The following CCDC146 variants were observed in gnomAD, a reference collection of about 807,000 sequenced individuals.
CCDC146 encodes the protein coiled-coil domain-containing protein 146.
Under a neutral mutation model 119.3 loss-of-function variants are expected in CCDC146, and 92 were observed. That is an observed-to-expected ratio of 0.77 (90% confidence interval 0.65 to 0.92). The LOEUF is 0.92. Among genes scored for constraint, CCDC146 ranks in the 40% least tolerant of loss-of-function variants. CCDC146 has a pLI of 0.00. For missense variants in CCDC146, 1,000 were observed against 1,103.0 expected, an observed-to-expected ratio of 0.91 and a Z score of 1.32; for synonymous variants, 372 against 371.8, an observed-to-expected ratio of 1.00 and a Z score of -0.01.
chr7:77,132,635 A>T (rs1184795316), intron 1 of CCDC146, among the ~76,000 whole-genome samples: 1 of 151,996 alleles, frequency 6.6e-6, no homozygotes, highest in Non-Finnish European at 1.5e-5. Flanking sequence ...TACCCAGGAC[A>T]ATGAGGCAGG....
rs576276285 is a variant in CCDC146 at position 77,176,542 on chromosome 7, G to A, written c.156+8718G>A. On this transcript the variant is annotated intron_variant, in intron 2 of 18. Coordinates refer to ENST00000285871, the MANE Select transcript of CCDC146 (RefSeq NM_020879.3). The stretch of plus-strand genomic sequence containing the variant: ...AGCAACAGGTCTGAAGGGAATGTCC[G>A]GTATGTGGATCTGAGCCTATGGGGG... Among the ~76,000 whole-genome samples the A allele has an allele frequency of 8.3e-5, 12 of 144,552 alleles. 1 individual carries two copies. The South Asian group carries it at 8.4e-4, about 10-fold the overall frequency. The allele number at this position is 144,552 out of a possible 152,430, so 94.8% of individuals were successfully genotyped here. A position where few individuals can be genotyped will look rare whatever the true frequency, so the allele number is the denominator to read the frequency against.
At position 77,280,620 on chromosome 7, in the gene CCDC146, G is replaced by A; in HGVS notation, c.1886G>A (p.Arg629Lys). The A allele has an allele frequency of 6.2e-7, 1 of 1,613,496 alleles. No homozygotes were observed. Among genetic ancestry groups the A allele is most frequent in the African/African-American group, 1.3e-5 (1 of 75,016 alleles). ...IEEEMVQLRK[R>K]YEKAVQHRNE... ...GAGGAGATGGTGCAGCTTCGCAAAA[G>A]ATACGAAAAAGCTGTTCAGCATCGA... Residue 629 changes from arginine (R) to lysine (K), a missense_variant, in exon 14 of 19, where the codon AGA becomes AAA. Arg to Lys is a conservative substitution (Grantham distance 26). Around this residue, in one of 2 missense-constraint regions of CCDC146, gnomAD observed 985 missense variants for 1,045.3 expected, o/e 0.94. Transcript: ENST00000285871.
At chr7:77,219,356 C>T (rs1288363466) in intron 2 of CCDC146, among the ~76,000 whole-genome samples, 1 of 150,544 alleles carries the variant, frequency 6.6e-6, no homozygotes, top group Admixed American at 6.6e-5. Context: ...ATGGTTCTAT[C>T]TGCTTTTTAA....
At chr7:77,203,021 T>G (rs982019788) in intron 2 of CCDC146, among the ~76,000 whole-genome samples, 2 of 89,106 alleles carry the variant, frequency 2.2e-5, no homozygotes, top group Non-Finnish European at 4.6e-5. Context: ...GCAAGGAAAA[T>G]AAAATACTTG....
rs748563599 is a variant in CCDC146 at position 77,234,739 on chromosome 7, G to A, written c.157-2208G>A. On this transcript the variant is annotated intron_variant, in intron 2 of 18. Transcript: ENST00000285871. ...AACAGAGCGACAATCCATCTCTGGG[G>A]AAAAAAAAAGTTATAAATAAATTAT... Among the ~76,000 whole-genome samples the A allele has an allele frequency of 1.9e-3, 282 of 150,650 alleles. 1 individual carries two copies. Among genetic ancestry groups the A allele is most frequent in the Non-Finnish European group, 3.2e-3 (213 of 67,612 alleles).
chr7:77,192,923 T>TA (rs993639012), intron 2 of CCDC146, among the ~76,000 whole-genome samples: 1 of 151,254 alleles, frequency 6.6e-6, no homozygotes, highest in Non-Finnish European at 1.5e-5. Flanking sequence ...ACTCCGTCTC[T>TA]AAAAAAAATA....
chr7:77,164,390 C>CATA (rs1409314799), intron 1 of CCDC146, among the ~76,000 whole-genome samples: 5 of 151,716 alleles, frequency 3.3e-5, no homozygotes, highest in African/African-American at 1.2e-4. Context: ...ATTGTAATGC[C>CATA]ATAATAATAA....
chr7:77,135,661 A>G (rs1390566291), intron 1 of CCDC146, among the ~76,000 whole-genome samples: 1 of 152,230 alleles, frequency 6.6e-6, no homozygotes, highest in Non-Finnish European at 1.5e-5. Context: ...TTAAGAACTT[A>G]CTATATATCA....
At chr7:77,262,084 C>G (rs763786831) in intron 8 of CCDC146, 37 bp from the exon 9 acceptor site, 1 of 1,512,276 alleles carries the variant, frequency 6.6e-7, no homozygotes, top group South Asian at 1.3e-5. Context: ...CAGCTGATAA[C>G]AAAATCATTT....
chr7:77,225,699 T>C (rs1307051073), intron 2 of CCDC146, among the ~76,000 whole-genome samples: 2 of 152,124 alleles, frequency 1.3e-5, no homozygotes, highest in Non-Finnish European at 2.9e-5. Flanking sequence ...TCCCAACACT[T>C]TGGGAGGCCG....
At chr7:77,182,229 T>C (rs1791600705) in intron 2 of CCDC146, among the ~76,000 whole-genome samples, 1 of 152,116 alleles carries the variant, frequency 6.6e-6, no homozygotes, top group African/African-American at 2.4e-5. Flanking sequence ...ATCTTAATGA[T>C]TTGGAAAGAA....
intron 1 of CCDC146, among the ~76,000 whole-genome samples, chr7:77,127,311 C>T (rs1790702374): frequency 6.6e-6 from 1 of 152,088 alleles, no homozygotes; most frequent in South Asian, 2.1e-4. Flanking sequence ...ACTTCAAGAG[C>T]GCAGGGAGGC....
At chr7:77,231,572 A>G (rs1020685705) in intron 2 of CCDC146, among the ~76,000 whole-genome samples, 1 of 151,818 alleles carries the variant, frequency 6.6e-6, no homozygotes, top group Admixed American at 6.6e-5. Context: ...TGCTTGCTCA[A>G]ATCTACTGTT....
rs529930692 is a variant in CCDC146, at chr7:77,282,844, G to T, written c.2148+59G>T. 3.0e-4 allele frequency: 354 copies of T among 1,186,080 alleles called. 1 individual carries two copies. The highest frequency in any genetic ancestry group is 8.7e-4 in the Admixed American group (46 of 53,102). 73.5% of individuals were successfully genotyped at this position (1,186,080 alleles called of 1,614,324 possible). ...CATTTATTTTTTTCTGCCTTTATTAGTTTGTGGGTGAGTTCTTGCATGTAA... is the reference window on the plus strand; with the variant it reads ...CATTTATTTTTTTCTGCCTTTATTATTTTGTGGGTGAGTTCTTGCATGTAA... On this transcript the variant is annotated intron_variant, in intron 15 of 18. Transcript: ENST00000285871.
At chr7:77,232,492 A>G (rs180777537) in intron 2 of CCDC146, among the ~76,000 whole-genome samples, 18 of 152,252 alleles carry the variant, frequency 1.2e-4, no homozygotes, top group Non-Finnish European at 2.2e-4. Flanking sequence ...AGCCCTTATG[A>G]TATCTGTTTT....
At chr7:77,282,424 G>T in intron 14 of CCDC146, 133 bp from the exon 15 acceptor site, 1 of 628,380 alleles carries the variant, frequency 1.6e-6, no homozygotes, top group South Asian at 2.1e-5. Flanking sequence ...AAAGCCATTG[G>T]TGACTATCTG....
chr7:77,190,219 A>C (rs1791738199), intron 2 of CCDC146, among the ~76,000 whole-genome samples: 1 of 152,242 alleles, frequency 6.6e-6, no homozygotes, highest in African/African-American at 2.4e-5. Context: ...AGTTTGTATT[A>C]ACTAAGCAAG....
intron 1 of CCDC146, among the ~76,000 whole-genome samples, chr7:77,124,743 A>T (rs1356199195): frequency 6.6e-6 from 1 of 152,228 alleles, no homozygotes; most frequent in African/African-American, 2.4e-5. Context: ...GTGTTAAGTT[A>T]GCACAAAATT....
Position 77,191,923 on chromosome 7 carries a change from T to A in CCDC146, c.156+24099T>A, listed in dbSNP as rs184006755. 4.7e-3 allele frequency among the ~76,000 whole-genome samples: 715 copies of A among 151,210 alleles called. 5 individuals are homozygous for A. Among genetic ancestry groups the A allele is most frequent in the African/African-American group, 0.016 (665 of 41,240 alleles). ...AGACTCCATCTCAAAAAATAAAAAA[T>A]AATAATAACTACTTAGGATGATGAT... On this transcript the variant is annotated intron_variant, in intron 2 of 18. Transcript: ENST00000285871.
Sources: gnomAD v4.1 joint callset for allele counts (sites outside exome capture counted in the v4.1 genomes callset) on GRCh38, gnomAD v4.1.1 for gene constraint, gnomAD v4.1.1 regional missense constraint, MANE v1.5 for transcripts, NCBI Gene and HGNC (gene_info 2026-07-23, HGNC 2026-07-21) for gene names.